The following MEF2A variants were observed in gnomAD, a reference collection of about 807,000 sequenced individuals.
MEF2A encodes the protein myocyte enhancer factor 2A.
MEF2A carries 28 observed loss-of-function variants against 55.8 expected under a neutral mutation model. The ratio of observed to expected loss-of-function variants is 0.50; its 90% CI spans 0.37 to 0.69. MEF2A has a LOEUF of 0.69. Ranked by LOEUF, MEF2A falls within the 30% of genes least tolerant of loss-of-function variation. The pLI, the probability that MEF2A is intolerant of heterozygous loss-of-function variation, is 0.00. For synonymous variants in MEF2A, 239 were observed against 227.1 expected (o/e 1.05, Z -0.47); for missense variants, 528 against 626.2 (o/e 0.84, Z 1.67).
chr15:99,677,161 A>G (rs1200927774), intron 7 of MEF2A, among the ~76,000 whole-genome samples: 3 of 151,982 alleles, frequency 2.0e-5, no homozygotes, highest in Non-Finnish European at 2.9e-5. Context: ...ATAAAACACC[A>G]TCTCAGACCT....
chr15:99,597,039 CACAAATTAT>C (rs1333845809), intron 1 of MEF2A, among the ~76,000 whole-genome samples: 1 of 152,020 alleles, frequency 6.6e-6, no homozygotes, highest in African/African-American at 2.4e-5. Context: ...GCATTAACTG[CACAAATTAT>C]ACAGCATGTG....
rs181146215 is a variant in MEF2A, at chr15:99,660,907, C to T, written c.259-10416C>T. Among the ~76,000 whole-genome samples, 3 of 152,284 alleles carry T rather than the reference C, an allele frequency of 2.0e-5. No homozygotes were observed. The East Asian group carries it at 5.8e-4, about 29-fold the overall frequency. ...ATACTTTTTGAAAGAACTTCAACAA[C>T]TGATTCTAAAGTTCACAGAGAAAAT... On this transcript the variant is annotated intron_variant, in intron 4 of 11. Transcript: ENST00000557942.
rs941881581 is a variant in MEF2A, at chr15:99,714,431, T to C, written c.*1660T>C. ...CCTTGACCCTCTGAAAACAGAACGA[T>C]GCAGCTGGTTACAAAATCCTACCGT... On this transcript the variant is annotated 3_prime_UTR_variant, in exon 12 of 12. Coordinates refer to ENST00000557942, the MANE Select transcript of MEF2A (RefSeq NM_001319206.4). The C allele has an allele frequency of 2.0e-5, 3 of 152,234 alleles. No homozygotes were observed. Among genetic ancestry groups the C allele is most frequent in the Non-Finnish European group, 4.4e-5 (3 of 68,034 alleles). The allele number at this position is 152,234 out of a possible 1,614,324, so 9.4% of individuals were successfully genotyped here. A position where few individuals can be genotyped will look rare whatever the true frequency, so the allele number is the denominator to read the frequency against.
chr15:99,570,345 A>G (rs1479486607), intron 1 of MEF2A, among the ~76,000 whole-genome samples: 1 of 152,216 alleles, frequency 6.6e-6, no homozygotes, highest in African/African-American at 2.4e-5. Context: ...TTCCTTACAC[A>G]AAAATACAAA....
chr15:99,596,936 A>G (rs1465443342), intron 1 of MEF2A, among the ~76,000 whole-genome samples: 1 of 152,186 alleles, frequency 6.6e-6, no homozygotes, highest in East Asian at 1.9e-4. Flanking sequence ...CCCCAAATTA[A>G]TACTTTTGTA....
In MEF2A at chr15:99,712,798, T is replaced by C; in HGVS notation, c.*27T>C. 2 of 1,547,278 alleles carry C rather than the reference T, an allele frequency of 1.3e-6. No individual in the cohort carries two copies. The highest frequency in any genetic ancestry group is 1.7e-6 in the Non-Finnish European group (2 of 1,143,576). On this transcript the variant is annotated 3_prime_UTR_variant, in exon 12 of 12. Transcript: ENST00000557942. The surrounding 1 kb of genome is among the most constrained non-coding windows in gnomAD (Gnocchi z 4.1). ...GCTTCCAAGCTGATGTTTGTACTTT[T>C]GTGTTACTGCAGTGACCTGCCCTAC...
intron 7 of MEF2A, among the ~76,000 whole-genome samples, chr15:99,685,894 T>TACCATTTA (rs1320975233): frequency 1.2e-4 from 18 of 152,336 alleles, no homozygotes; most frequent in Admixed American, 1.3e-4. Context: ...GTACTAGTTC[T>TACCATTTA]TCTTTGAATG....
intron 8 of MEF2A, among the ~76,000 whole-genome samples, chr15:99,695,725 A>AACC (rs1006918400): frequency 1.1e-4 from 16 of 152,024 alleles, no homozygotes; most frequent in African/African-American, 3.9e-4. Context: ...TGGGCATGGT[A>AACC]GCACACGTCT....
chr15:99,637,209 CAAAA>C, intron 3 of MEF2A, among the ~76,000 whole-genome samples: 1 of 147,668 alleles, frequency 6.8e-6, no homozygotes, highest in African/African-American at 2.5e-5. Flanking sequence ...CTTAAGAAAA[CAAAA>C]AACCTACTGG....
chr15:99,617,142 T>G lies in MEF2A; in HGVS notation c.-142-15836T>G, dbSNP rs557628480. Among the ~76,000 whole-genome samples the G allele has an allele frequency of 3.9e-5, 6 of 152,334 alleles. No homozygotes were observed. In the South Asian group the frequency reaches 1.0e-3, roughly 26 times the overall value. ...TGCTGTTCAGCAGTTTTTGAGGACT[T>G]AACTCACACATCATCATTTCTTATA... On this transcript the variant is annotated intron_variant, in intron 2 of 11. Transcript: ENST00000557942.
At chr15:99,616,650 G>A (rs1021352022) in intron 2 of MEF2A, among the ~76,000 whole-genome samples, 3 of 151,972 alleles carry the variant, frequency 2.0e-5, no homozygotes, top group African/African-American at 7.3e-5. Context: ...TTTGCAGAGA[G>A]ATTTAGTCTT....
chr15:99,704,206 G>A (rs377061640), intron 9 of MEF2A, among the ~76,000 whole-genome samples: 1 of 152,186 alleles, frequency 6.6e-6, no homozygotes, highest in South Asian at 2.1e-4. Context: ...GAAGGCATCC[G>A]TTGGTTTTAA....
chr15:99,644,028 A>AACT (rs2045515701), intron 3 of MEF2A, among the ~76,000 whole-genome samples: 2 of 152,260 alleles, frequency 1.3e-5, no homozygotes, highest in Admixed American at 1.3e-4. Flanking sequence ...TTTTCTTGTT[A>AACT]AATGAATATT....
In MEF2A at chr15:99,702,408, A is replaced by T. The variant is rs139397312; in HGVS notation, c.859-954A>T. Among the ~76,000 whole-genome samples, 148 of 151,524 alleles carry T rather than the reference A, an allele frequency of 9.8e-4. No individual in the cohort carries two copies. The East Asian group carries it at 0.023, about 23-fold the overall frequency. ...TGTTAATATTTTCTAAATGTTATGG[A>T]GAAAAGGAGCAAAAATGTTTCTTTT... On this transcript the variant is annotated intron_variant, in intron 8 of 11. Coordinates refer to ENST00000557942, the MANE Select transcript of MEF2A (RefSeq NM_001319206.4).
intron 8 of MEF2A, 141 bp from the exon 9 acceptor site, chr15:99,703,221 C>A: frequency 1.5e-6 from 1 of 658,468 alleles, no homozygotes; most frequent in South Asian, 1.9e-5. Flanking sequence ...ATTTATATTT[C>A]TATCTGTTGT....
chr15:99,595,783 A>G (rs995081061), intron 1 of MEF2A, among the ~76,000 whole-genome samples: 3 of 152,220 alleles, frequency 2.0e-5, no homozygotes, highest in Middle Eastern at 3.2e-3. Flanking sequence ...TTTGATCTAT[A>G]TAAGAGACAC....
intron 4 of MEF2A, among the ~76,000 whole-genome samples, chr15:99,648,830 G>A (rs374338769): frequency 1.5e-3 from 233 of 152,262 alleles, no homozygotes; most frequent in African/African-American, 5.4e-3. Context: ...AGCCTCACCT[G>A]TGTAGTCTGT....
intron 2 of MEF2A, among the ~76,000 whole-genome samples, chr15:99,631,374 C>G (rs537906499): frequency 7.2e-4 from 109 of 152,240 alleles, no homozygotes; most frequent in African/African-American, 2.5e-3. Context: ...TTGGGCCCCA[C>G]GAGTGACTAG....
chr15:99,632,344 A>G (rs969929919), intron 2 of MEF2A, among the ~76,000 whole-genome samples: 1 of 152,248 alleles, frequency 6.6e-6, no homozygotes, highest in African/African-American at 2.4e-5. Flanking sequence ...ACGAAAGTAT[A>G]TAGTGGCTTT....
Sources: allele counts gnomAD v4.1 joint callset (sites outside exome capture counted in the v4.1 genomes callset), GRCh38; gene constraint gnomAD v4.1.1; non-coding constraint Gnocchi (gnomAD v3.1); transcripts MANE v1.5; gene names NCBI Gene and HGNC (gene_info 2026-07-23, HGNC 2026-07-21).